Variants in SEMA3A observed in about 807,000 individuals in gnomAD.
The protein encoded by SEMA3A is semaphorin 3A.
SEMA3A carries 29 observed loss-of-function variants against 97.9 expected under a neutral mutation model. The observed-to-expected ratio is 0.30, with a 90% CI of 0.22 to 0.40. SEMA3A has a LOEUF of 0.40. Ranked by LOEUF, SEMA3A falls within the 10% of genes least tolerant of loss-of-function variation. SEMA3A has a pLI of 1.00. For missense variants in SEMA3A, 763 were observed against 951.3 expected (o/e 0.80, Z 2.60); for synonymous variants, 321 against 323.7 (o/e 0.99, Z 0.09).
intron 1 of SEMA3A, among the ~76,000 whole-genome samples, chr7:84,429,882 G>A (rs771331992): frequency 2.0e-5 from 3 of 151,702 alleles, no homozygotes; most frequent in Non-Finnish European, 4.4e-5. Flanking sequence ...CTTTCCTTCC[G>A]ATGGCATCTT....
At chr7:84,413,017 T>C (rs1804314512) in intron 1 of SEMA3A, among the ~76,000 whole-genome samples, 1 of 149,162 alleles carries the variant, frequency 6.7e-6, no homozygotes, top group African/African-American at 2.4e-5. Flanking sequence ...AAAATTACTT[T>C]TCTATTTTTG....
At chr7:84,244,112 C>T (rs1000046697) in intron 3 of SEMA3A, among the ~76,000 whole-genome samples, 4 of 151,998 alleles carry the variant, frequency 2.6e-5, no homozygotes, top group African/African-American at 9.7e-5. Context: ...CTATAGGTCC[C>T]CTTGGTCCAG....
chr7:84,109,912 C>A (rs193139265), intron 4 of SEMA3A, among the ~76,000 whole-genome samples: 288 of 152,258 alleles, frequency 1.9e-3, no homozygotes, highest in African/African-American at 6.4e-3. Context: ...AACATCTTTA[C>A]AAGGAATAGA....
chr7:84,026,199 G>T (rs963748194), intron 6 of SEMA3A, among the ~76,000 whole-genome samples: 6 of 152,110 alleles, frequency 3.9e-5, no homozygotes, highest in Non-Finnish European at 8.8e-5. Context: ...CATCACTGTG[G>T]TGTGGAGTGC....
chr7:84,459,503 A>G (rs1805769790), intron 1 of SEMA3A, among the ~76,000 whole-genome samples: 1 of 152,198 alleles, frequency 6.6e-6, no homozygotes, highest in Non-Finnish European at 1.5e-5. Flanking sequence ...AATGCTATTA[A>G]TGTTAGTAGA....
intron 3 of SEMA3A, among the ~76,000 whole-genome samples, chr7:84,246,239 G>T (rs904220307): frequency 6.6e-6 from 1 of 152,156 alleles, no homozygotes; most frequent in Non-Finnish European, 1.5e-5. Flanking sequence ...AGGCTATCCT[G>T]CCCAGGAATA....
At chr7:84,476,342 G>C (rs550298502) in intron 1 of SEMA3A, among the ~76,000 whole-genome samples, 1 of 148,844 alleles carries the variant, frequency 6.7e-6, no homozygotes, top group East Asian at 2.0e-4. Flanking sequence ...CTGGGTGACA[G>C]AGCAAGACTC....
chr7:84,134,407 G>T (rs1796059951), intron 2 of SEMA3A, among the ~76,000 whole-genome samples: 1 of 152,096 alleles, frequency 6.6e-6, no homozygotes, highest in Admixed American at 6.6e-5. Context: ...TGTGGGTAAT[G>T]GATAGATGAA....
intron 1 of SEMA3A, among the ~76,000 whole-genome samples, chr7:84,147,551 AG>A (rs1796499120): frequency 6.6e-6 from 1 of 152,202 alleles, no homozygotes; most frequent in Non-Finnish European, 1.5e-5. Context: ...GACATACTCA[AG>A]GATCAATCAA....
At chr7:84,034,687 T>G (rs1232507117) in intron 6 of SEMA3A, among the ~76,000 whole-genome samples, 2 of 152,180 alleles carry the variant, frequency 1.3e-5, no homozygotes, top group African/African-American at 2.4e-5. Context: ...CCTAGGCAAT[T>G]TGGTGGGTAC....
chr7:84,171,212 A>G (rs1283238076), intron 1 of SEMA3A, among the ~76,000 whole-genome samples: 1 of 152,160 alleles, frequency 6.6e-6, no homozygotes, highest in Non-Finnish European at 1.5e-5. Flanking sequence ...TTTAAACAAA[A>G]TGAACATAAA....
rs1792352322 is a variant in SEMA3A, at chr7:84,046,403, C to T, written c.588G>A (p.Gly196=). ...LYSGTAADFM[G]RDFAIFRTLG... is the part of the protein sequence containing the mutation. ...GAGTTCGGAAGATAGCAAAGTCTCGCCCCATAAAATCAGCTGCAGTTCCAG... is the reference window on the plus strand; with the variant it reads ...GAGTTCGGAAGATAGCAAAGTCTCGTCCCATAAAATCAGCTGCAGTTCCAG... Residue 196 remains glycine, a synonymous_variant, in exon 6 of 17, where the codon GGG becomes GGA. Transcript: ENST00000265362. 1.2e-6 allele frequency: 2 copies of T among 1,613,096 alleles called. No homozygotes were observed. The highest frequency in any genetic ancestry group is 1.1e-5 in the South Asian group (1 of 91,062).
rs1195543668 is a variant in SEMA3A at position 84,166,988 on chromosome 7, T to C, written c.112+27487A>G. 1.3e-4 allele frequency among the ~76,000 whole-genome samples: 8 copies of C among 61,252 alleles called. No individual in the cohort carries two copies. The East Asian group carries it at 4.5e-3, about 34-fold the overall frequency. 40.2% of individuals were successfully genotyped at this position (61,252 alleles called of 152,430 possible). A position where few individuals can be genotyped will look rare whatever the true frequency, so the allele number is the denominator to read the frequency against. ...TTGTGCCTATTTTGCTAGAAGAGTG[T>C]CTATCATATAGTGAGTGTTGAATAC... On this transcript the variant is annotated intron_variant, in intron 1 of 16. Coordinates refer to ENST00000265362, the MANE Select transcript of SEMA3A (RefSeq NM_006080.3).
chr7:84,391,625 A>ATAGCATTTATTGTGTGTTTGCAATGAT (rs1232646499), intron 1 of SEMA3A, among the ~76,000 whole-genome samples: 1 of 152,116 alleles, frequency 6.6e-6, no homozygotes, highest in African/African-American at 2.4e-5. Context: ...TGTGCTCTTA[A>ATAGCATTTATTGTGTGTTTGCAATGAT]TAGCATTTAT....
In SEMA3A at chr7:84,134,867, C is replaced by T. The variant is rs762612767; in HGVS notation, c.197G>A (p.Arg66Gln). 9.3e-6 allele frequency: 15 copies of T among 1,613,734 alleles called. No individual in the cohort carries two copies. In the Admixed American group the frequency reaches 1.0e-4, roughly 11 times the overall value. ...SYHTFLLDEE[R>Q]SRLYVGAKDH... The stretch of plus-strand genomic sequence containing the variant: ...CTTTGCTCCAACATACAGCCTACTC[C>T]GTTCCTCATCCAAAAGGAAGGTATG... Residue 66 changes from arginine to glutamine, a missense_variant, in exon 2 of 17, where the codon CGG becomes CAG. Arg to Gln is a conservative substitution (Grantham distance 43). This residue lies in a region of SEMA3A where 678 missense variants were observed against 881.3 expected (regional missense o/e 0.77). Transcript: ENST00000265362.
At chr7:84,069,663 T>A (rs1212439747) in intron 4 of SEMA3A, among the ~76,000 whole-genome samples, 1 of 152,132 alleles carries the variant, frequency 6.6e-6, no homozygotes, top group Admixed American at 6.6e-5. Flanking sequence ...TATGAGACAT[T>A]CTTTCAAAAG....
chr7:84,142,589 T>C (rs180844112), intron 1 of SEMA3A, among the ~76,000 whole-genome samples: 1 of 152,176 alleles, frequency 6.6e-6, no homozygotes, highest in African/African-American at 2.4e-5. Context: ...AAGAACTGAT[T>C]TTGGAAAAGT....
At chr7:84,174,827 A>C (rs1431380172) in intron 1 of SEMA3A, among the ~76,000 whole-genome samples, 1 of 152,162 alleles carries the variant, frequency 6.6e-6, no homozygotes, top group Non-Finnish European at 1.5e-5. Context: ...AGAAGATTTT[A>C]GGTGTTGTTC....
At chr7:84,317,084 T>A (rs1801524896) in intron 2 of SEMA3A, among the ~76,000 whole-genome samples, 1 of 152,180 alleles carries the variant, frequency 6.6e-6, no homozygotes, top group South Asian at 2.1e-4. Context: ...TAAAAACTCT[T>A]TCTATCCCTC....
Sources: allele counts gnomAD v4.1 joint callset (sites outside exome capture counted in the v4.1 genomes callset), GRCh38; gene constraint gnomAD v4.1.1; regional missense constraint gnomAD v4.1.1; transcripts MANE v1.5; gene names NCBI Gene and HGNC (gene_info 2026-07-23, HGNC 2026-07-21).